The following SPMAP2L variants were observed in gnomAD, a reference collection of about 807,000 sequenced individuals.
SPMAP2L encodes the protein sperm microtubule associated protein 2 like, also known as sperm microtubule associated protein 2-like.
At chr4:56,551,914 A>G in the SPMAP2L span, among the ~76,000 whole-genome samples, 85 of 152,348 alleles carry the variant, frequency 5.6e-4, no homozygotes, top group African/African-American at 2.0e-3. Context: ...AAAGTGGAAG[A>G]GACGCACTAG....
chr4:56,559,701 G>T, the SPMAP2L span, among the ~76,000 whole-genome samples: 1 of 152,196 alleles, frequency 6.6e-6, no homozygotes, highest in Admixed American at 6.5e-5. Flanking sequence ...CCGAGTAGCT[G>T]GGATTACAGT....
the SPMAP2L span, among the ~76,000 whole-genome samples, chr4:56,578,081 T>A: frequency 6.6e-6 from 1 of 152,240 alleles, no homozygotes; most frequent in East Asian, 1.9e-4. Flanking sequence ...ATATAGTACA[T>A]TATAATTACA....
chr4:56,594,362 G>T, the SPMAP2L span: 6 of 1,547,446 alleles, frequency 3.9e-6, no homozygotes, highest in Non-Finnish European at 5.4e-6. Flanking sequence ...GTCTGAACTC[G>T]CACCTATCAC....
the SPMAP2L span, chr4:56,603,515 G>T: frequency 2.2e-6 from 1 of 459,034 alleles, no homozygotes; most frequent in South Asian, 4.9e-5. Flanking sequence ...TGAATCTTTA[G>T]CAGATTTGAG....
chr4:56,561,039 C>A, the SPMAP2L span, among the ~76,000 whole-genome samples: 9 of 152,200 alleles, frequency 5.9e-5, no homozygotes, highest in Admixed American at 5.9e-4. Context: ...AGCCATCACG[C>A]CTGGCCAGAC....
the SPMAP2L span, chr4:56,603,140 G>T: frequency 9.1e-7 from 1 of 1,099,702 alleles, no homozygotes. Flanking sequence ...TACAGTGGAT[G>T]CTTGAGAAAC....
At chr4:56,549,876 A>G in the SPMAP2L span, among the ~76,000 whole-genome samples, 1 of 152,244 alleles carries the variant, frequency 6.6e-6, no homozygotes, top group East Asian at 1.9e-4. Flanking sequence ...TTATGTATGT[A>G]CAGATATTTC....
At chr4:56,584,573 G>C in the SPMAP2L span, 1 of 1,535,398 alleles carries the variant, frequency 6.5e-7, no homozygotes, top group Non-Finnish European at 8.7e-7. Context: ...ACTCTCAGTA[G>C]CCAAAGGCAC....
chr4:56,579,893 T>C, the SPMAP2L span, among the ~76,000 whole-genome samples: 1 of 152,074 alleles, frequency 6.6e-6, no homozygotes, highest in East Asian at 1.9e-4. Context: ...CAAGAAGAAA[T>C]AGACAATCTT....
the SPMAP2L span, among the ~76,000 whole-genome samples, chr4:56,586,375 G>A: frequency 6.6e-6 from 1 of 152,282 alleles, no homozygotes; most frequent in Non-Finnish European, 1.5e-5. Flanking sequence ...GGTTCTCAGA[G>A]AGAAAGATCT....
chr4:56,532,823 T>G, the SPMAP2L span, among the ~76,000 whole-genome samples: 1 of 152,194 alleles, frequency 6.6e-6, no homozygotes, highest in Admixed American at 6.5e-5. Context: ...TCTCCTCACT[T>G]GGAAAGATCT....
chr4:56,610,721 T>C, the SPMAP2L span, among the ~76,000 whole-genome samples: 3 of 151,582 alleles, frequency 2.0e-5, no homozygotes. Context: ...AGGACTAATA[T>C]CCAGAATCTA....
chr4:56,570,965 C>T, the SPMAP2L span, among the ~76,000 whole-genome samples: 45 of 151,742 alleles, frequency 3.0e-4, no homozygotes, highest in Admixed American at 2.4e-3. Context: ...TACCACACCC[C>T]GTTAACTTTT....
At chr4:56,595,235 G>T in the SPMAP2L span, 1 of 1,611,870 alleles carries the variant, frequency 6.2e-7, no homozygotes, top group African/African-American at 1.3e-5. Flanking sequence ...GGTTATGTGG[G>T]TCATGAATTT....
the SPMAP2L span, among the ~76,000 whole-genome samples, chr4:56,602,409 G>C: frequency 6.6e-6 from 1 of 152,266 alleles, no homozygotes; most frequent in East Asian, 1.9e-4. Flanking sequence ...TTAAAGAGAA[G>C]AGGCTGGATG....
chr4:56,591,135 A>G, the SPMAP2L span, among the ~76,000 whole-genome samples: 1 of 152,160 alleles, frequency 6.6e-6, no homozygotes, highest in Admixed American at 6.5e-5. Context: ...GGTGGGAGGT[A>G]ATTGGATCAT....
the SPMAP2L span, among the ~76,000 whole-genome samples, chr4:56,608,854 T>C: frequency 6.6e-6 from 1 of 152,120 alleles, no homozygotes; most frequent in Non-Finnish European, 1.5e-5. Flanking sequence ...CCCACCTGGG[T>C]GAACCTTAGT....
the SPMAP2L span, chr4:56,530,611 G>A: frequency 5.4e-6 from 8 of 1,493,062 alleles, no homozygotes; most frequent in Non-Finnish European, 7.1e-6. Flanking sequence ...CGCGCAGAGA[G>A]CAAACTGCGC....
chr4:56,564,486 T>C, the SPMAP2L span, among the ~76,000 whole-genome samples: 2 of 152,144 alleles, frequency 1.3e-5, no homozygotes, highest in Non-Finnish European at 2.9e-5. Flanking sequence ...GTAAAGTTGT[T>C]CATATATTTT....
Sources: gnomAD v4.1 joint callset for allele counts (sites outside exome capture counted in the v4.1 genomes callset) on GRCh38, gnomAD v4.1.1 for gene constraint, MANE v1.5 for transcripts, NCBI Gene and HGNC (gene_info 2026-07-23, HGNC 2026-07-21) for gene names.